Variants in UBR3 observed in about 807,000 individuals in gnomAD.
UBR3 encodes E3 ubiquitin-protein ligase UBR3.
UBR3 carries 85 observed loss-of-function variants against 243.2 expected under a neutral mutation model. The ratio of observed to expected loss-of-function variants is 0.35; its 90% CI spans 0.29 to 0.42. UBR3 has a LOEUF of 0.42. Ranked by LOEUF, UBR3 falls within the 10% of genes least tolerant of loss-of-function variation. UBR3 has a pLI of 1.00. For synonymous variants in UBR3, 748 were observed against 799.8 expected (o/e 0.94, Z 1.09); for missense variants, 1,686 against 2,300.8 (o/e 0.73, Z 5.47).
chr2:169,842,877 C>T (rs2105286119), intron 1 of UBR3, among the ~76,000 whole-genome samples: 1 of 152,318 alleles, frequency 6.6e-6, no homozygotes, highest in East Asian at 1.9e-4. Context: ...TACAATTCAG[C>T]CAATTTTTTT....
intron 1 of UBR3, among the ~76,000 whole-genome samples, chr2:169,840,394 C>T (rs954339071): frequency 3.9e-5 from 6 of 152,204 alleles, no homozygotes; most frequent in South Asian, 2.1e-4. Flanking sequence ...ACCGAGATGT[C>T]GGTGCTCCTG....
chr2:170,005,181 G>A (rs970626044), intron 27 of UBR3, among the ~76,000 whole-genome samples: 1 of 152,242 alleles, frequency 6.6e-6, no homozygotes, highest in African/African-American at 2.4e-5. Flanking sequence ...CTGAGATCGC[G>A]CCACTGCACT....
intron 7 of UBR3, among the ~76,000 whole-genome samples, chr2:169,896,204 C>T (rs1559070238): frequency 6.6e-6 from 1 of 152,054 alleles, no homozygotes; most frequent in East Asian, 1.9e-4. Context: ...AGGAGAATTG[C>T]TTGAACTGGG....
chr2:170,008,527 T>C (rs1232677627), intron 28 of UBR3, among the ~76,000 whole-genome samples: 1 of 152,170 alleles, frequency 6.6e-6, no homozygotes. Context: ...TTTAATACCA[T>C]CATCTCATTG....
chr2:169,895,524 T>G (rs1000416853), intron 7 of UBR3, among the ~76,000 whole-genome samples: 4 of 152,216 alleles, frequency 2.6e-5, no homozygotes, highest in African/African-American at 4.8e-5. Flanking sequence ...TCCAAAGGAT[T>G]GCTTTTCTGC....
chr2:170,036,461 T>C (rs2090835071), intron 31 of UBR3, among the ~76,000 whole-genome samples: 1 of 151,962 alleles, frequency 6.6e-6, no homozygotes, highest in Non-Finnish European at 1.5e-5. Flanking sequence ...TTTTATCTTA[T>C]CAGCCAATAA....
At chr2:169,975,318 A>C (rs6433160) in intron 24 of UBR3, among the ~76,000 whole-genome samples, 8,217 of 152,220 alleles carry the variant, frequency 0.054, 403 homozygotes, top group African/African-American at 0.13. Context: ...TCAGAAAATA[A>C]ACTTGATCTG....
rs1445406406 is a variant in UBR3 at position 169,893,033 on chromosome 2, CATGTCA to C, written c.1105+1804_1105+1809del. Among the ~76,000 whole-genome samples, 5 of 152,296 alleles carry C rather than the reference CATGTCA, an allele frequency of 3.3e-5. No homozygotes were observed. In the South Asian group the frequency reaches 8.3e-4, roughly 25 times the overall value. ...AGGTAGTTTACACATTGTTAAAAGT[CATGTCA>C]AGATTTAAAGATAGTCAAACATAAC... On this transcript the variant is annotated intron_variant, in intron 6 of 38. Coordinates refer to ENST00000272793, the MANE Select transcript of UBR3 (RefSeq NM_172070.4).
intron 31 of UBR3, among the ~76,000 whole-genome samples, chr2:170,039,768 T>G (rs1408130168): frequency 6.6e-6 from 1 of 152,184 alleles, no homozygotes; most frequent in Admixed American, 6.6e-5. Flanking sequence ...AAACATGTAG[T>G]CAAAAAATTA....
At chr2:170,069,364 T>C (rs2091647955) in intron 35 of UBR3, among the ~76,000 whole-genome samples, 1 of 152,142 alleles carries the variant, frequency 6.6e-6, no homozygotes, top group Admixed American at 6.5e-5. Flanking sequence ...ATGTAATGTT[T>C]TGATATATAT....
At chr2:169,969,937 CT>C (rs34413545) in intron 24 of UBR3, among the ~76,000 whole-genome samples, 49,875 of 89,450 alleles carry the variant, frequency 0.56, 12,347 homozygotes, top group Middle Eastern at 0.76. Context: ...ATGCCTCCAG[CT>C]TTTTTTTTTT....
rs143545697 is a variant in UBR3 at position 169,976,611 on chromosome 2, G to A, written c.3635-10034G>A. ...TTTTTTACTGGCCTATAAGGTTTTT[G>A]CTGAGAAATCTGTTCTTAGTCTAAT... On this transcript the variant is annotated intron_variant, in intron 24 of 38. Transcript: ENST00000272793. Among the ~76,000 whole-genome samples, 361 of 152,202 alleles carry A rather than the reference G, an allele frequency of 2.4e-3. 1 individual carries two copies. The highest frequency in any genetic ancestry group is 8.2e-3 in the African/African-American group (341 of 41,542).
intron 24 of UBR3, 101 bp from the exon 25 acceptor site, chr2:169,986,544 T>C: frequency 1.8e-6 from 2 of 1,113,688 alleles, no homozygotes; most frequent in East Asian, 2.5e-5. Flanking sequence ...TTTATTGATA[T>C]TGAAGCTAAA....
At chr2:169,906,469 C>A (rs1410441889) in intron 10 of UBR3, among the ~76,000 whole-genome samples, 1 of 151,798 alleles carries the variant, frequency 6.6e-6, no homozygotes, top group South Asian at 2.1e-4. Context: ...GTAGGATAGT[C>A]CTCAATATTA....
chr2:170,048,500 G>A (rs1339149229), intron 32 of UBR3, among the ~76,000 whole-genome samples: 1 of 152,142 alleles, frequency 6.6e-6, no homozygotes, highest in Non-Finnish European at 1.5e-5. Flanking sequence ...TATTGAACGT[G>A]TACACTTAGC....
At chr2:169,969,423 A>G (rs2087981794) in intron 24 of UBR3, among the ~76,000 whole-genome samples, 1 of 152,150 alleles carries the variant, frequency 6.6e-6, no homozygotes. Context: ...TGGTTTTCCA[A>G]ACATCATTTA....
intron 5 of UBR3, 123 bp downstream of exon 5, chr2:169,878,697 A>G: frequency 1.1e-6 from 1 of 906,548 alleles, no homozygotes; most frequent in Non-Finnish European, 1.6e-6. Context: ...ATGTAGTTTA[A>G]GTTTCTCATT....
intron 36 of UBR3, among the ~76,000 whole-genome samples, chr2:170,075,609 A>G (rs1231109807): frequency 6.6e-6 from 1 of 152,184 alleles, no homozygotes; most frequent in African/African-American, 2.4e-5. Context: ...AATTTTTGCC[A>G]GTTATGTAAG....
intron 1 of UBR3, among the ~76,000 whole-genome samples, chr2:169,859,790 C>T (rs1191189921): frequency 6.6e-6 from 1 of 152,030 alleles, no homozygotes; most frequent in Non-Finnish European, 1.5e-5. Flanking sequence ...GATCTTGGCT[C>T]ACTGCAACCT....
Sources: gnomAD v4.1 joint callset for allele counts (sites outside exome capture counted in the v4.1 genomes callset) on GRCh38, gnomAD v4.1.1 for gene constraint, MANE v1.5 for transcripts, NCBI Gene and HGNC (gene_info 2026-07-23, HGNC 2026-07-21) for gene names.